ASTN1: variants seen among roughly 807,000 people sequenced by gnomAD.
ASTN1 encodes the protein astrotactin 1.
ASTN1 carries 41 observed loss-of-function variants against 140.7 expected under a neutral mutation model. That is an observed-to-expected ratio of 0.29 (90% CI 0.23 to 0.38). The LOEUF (loss-of-function observed/expected upper bound fraction) is 0.38, where lower values mean the gene tolerates loss of function less well. ASTN1 is among the 10% of genes least tolerant of loss of function. The pLI is 1.00. For synonymous variants in ASTN1, 640 were observed against 652.2 expected (o/e 0.98, Z 0.29); for missense variants, 1,479 against 1,678.8 (o/e 0.88, Z 2.08).
At chr1:177,031,048 A>C in intron 3 of ASTN1, 96 bp from the exon 4 acceptor site, 160 of 1,339,828 alleles carry the variant, frequency 1.2e-4, no homozygotes, top group Non-Finnish European at 1.5e-4. Flanking sequence ...ATAAGGTCTC[A>C]CAGAATTGAA....
At position 176,882,958 on chromosome 1, in the gene ASTN1, C is replaced by G. The variant is rs1668871537; in HGVS notation, c.3263G>C (p.Gly1088Ala). The G allele has an allele frequency of 6.2e-7, 1 of 1,613,906 alleles. No homozygotes were observed. The highest frequency in any genetic ancestry group is 1.7e-5 in the Admixed American group (1 of 59,976). ...TGGCATTGCACAAGGAGACTTTGCT[C>G]CAGAGATGATGTCGTCCACAAAGCT... Reference protein sequence around the residue: ...VLSFVDDIISGAKSPCAMPSQ... With the variant: ...VLSFVDDIISAAKSPCAMPSQ... Residue 1088 changes from glycine (G) to alanine (A), a missense_variant, in exon 20 of 23, where the codon GGA becomes GCA. Around this residue, in one of 3 missense-constraint regions of ASTN1, gnomAD observed 746 missense variants for 800.9 expected, o/e 0.93. Coordinates refer to ENST00000361833, the MANE Select transcript of ASTN1 (RefSeq NM_004319.3).
chr1:176,995,165 A>C (rs1674378916), intron 8 of ASTN1, among the ~76,000 whole-genome samples: 1 of 152,234 alleles, frequency 6.6e-6, no homozygotes, highest in Non-Finnish European at 1.5e-5. Context: ...ACATTTATTC[A>C]GTGCTTAATA....
At chr1:177,041,368 C>T (rs571089325) in intron 2 of ASTN1, among the ~76,000 whole-genome samples, 12 of 152,306 alleles carry the variant, frequency 7.9e-5, no homozygotes, top group East Asian at 3.9e-4. Flanking sequence ...TGCATGCACA[C>T]GCACAAATGT....
Position 177,032,438 on chromosome 1 carries a change from C to T in ASTN1, c.865+18G>A, listed in dbSNP as rs1179685689. ...AGATGAAGGACCAAACAGCCCCTTG[C>T]CTTTCTCCCATCCCCACCTGGTGTG... On this transcript the variant is annotated intron_variant, in intron 3 of 22. Transcript: ENST00000361833. The T allele has an allele frequency of 1.9e-6, 3 of 1,607,570 alleles. No homozygotes were observed. The highest frequency in any genetic ancestry group is 2.2e-5 in the East Asian group (1 of 44,802).
chr1:176,985,235 T>G (rs965874218), intron 8 of ASTN1, among the ~76,000 whole-genome samples: 1 of 152,162 alleles, frequency 6.6e-6, no homozygotes, highest in Non-Finnish European at 1.5e-5. Context: ...CAAGGAATTA[T>G]CAGTGAGGAA....
intron 2 of ASTN1, among the ~76,000 whole-genome samples, chr1:177,042,294 G>A (rs147359411): frequency 0.019 from 2,942 of 152,290 alleles, 44 homozygotes; most frequent in Admixed American, 0.03. Context: ...ACAGGATCCA[G>A]TCAAGTATTC....
At chr1:176,906,127 G>T (rs1197972630) in intron 16 of ASTN1, among the ~76,000 whole-genome samples, 2 of 152,222 alleles carry the variant, frequency 1.3e-5, no homozygotes, top group African/African-American at 4.8e-5. Context: ...AGCTGAGAGT[G>T]ACTCTGGCAG....
intron 16 of ASTN1, among the ~76,000 whole-genome samples, chr1:176,909,998 C>T (rs1670162061): frequency 6.6e-6 from 1 of 152,158 alleles, no homozygotes; most frequent in Non-Finnish European, 1.5e-5. Flanking sequence ...AAACAAACCA[C>T]ACAATGGAAT....
At chr1:176,879,647 T>C (rs1328122390) in intron 20 of ASTN1, among the ~76,000 whole-genome samples, 1 of 152,244 alleles carries the variant, frequency 6.6e-6, no homozygotes, top group Non-Finnish European at 1.5e-5. Flanking sequence ...TATTGGATGC[T>C]GACCTAGGAT....
chr1:177,022,450 G>T (rs188631131), intron 7 of ASTN1, among the ~76,000 whole-genome samples: 1 of 152,318 alleles, frequency 6.6e-6, no homozygotes, highest in Non-Finnish European at 1.5e-5. Context: ...ACTACTGTAG[G>T]TGAATGTCTT....
rs749468572 is a variant in ASTN1, at chr1:177,030,862, G to T, written c.956C>A (p.Thr319Asn). The T allele has an allele frequency of 3.4e-5, 55 of 1,614,174 alleles. No individual in the cohort carries two copies. The highest frequency in any genetic ancestry group is 4.7e-5 in the Non-Finnish European group (55 of 1,180,028). The change falls in exon 4 of 23, where the codon ACC (threonine) becomes AAC (asparagine). Residue 319 changes from threonine (T) to asparagine (N), a missense_variant. Coordinates refer to ENST00000361833, the MANE Select transcript of ASTN1 (RefSeq NM_004319.3). ...SPVDSNHQQA[T>N]LLSHTSSSQR... The stretch of plus-strand genomic sequence containing the variant: ...GCTGCTGGAGGTGTGAGAGAGAAGG[G>T]TGGCTTGCTGGTGGTTGGAGTCCAC...
intron 1 of ASTN1, among the ~76,000 whole-genome samples, chr1:177,109,748 A>G (rs1057061057): frequency 8.5e-5 from 13 of 152,240 alleles, no homozygotes; most frequent in African/African-American, 3.1e-4. Flanking sequence ...CTGTCCAAGT[A>G]TGAGCATGCC....
At chr1:177,035,883 A>G (rs1024014182) in intron 2 of ASTN1, among the ~76,000 whole-genome samples, 5 of 152,174 alleles carry the variant, frequency 3.3e-5, no homozygotes, top group Non-Finnish European at 5.9e-5. Context: ...AGAATATTTT[A>G]TGTTCATTTT....
chr1:176,905,362 A>T (rs1318461054), intron 16 of ASTN1, among the ~76,000 whole-genome samples: 1 of 152,170 alleles, frequency 6.6e-6, no homozygotes, highest in African/African-American at 2.4e-5. Context: ...GCTGGCTCAT[A>T]AATATCTTTA....
intron 9 of ASTN1, among the ~76,000 whole-genome samples, chr1:176,963,021 G>T (rs1672732457): frequency 6.6e-6 from 1 of 152,182 alleles, no homozygotes; most frequent in Non-Finnish European, 1.5e-5. Context: ...AGAAAAATGT[G>T]CATTCTTGCT....
At chr1:176,884,196 A>G in intron 19 of ASTN1, 143 bp downstream of exon 19, 1 of 953,492 alleles carries the variant, frequency 1.0e-6, no homozygotes, top group East Asian at 2.6e-5. Flanking sequence ...GGAGAAGAAG[A>G]ACAGCTTCTT....
At chr1:177,149,255 TAA>T (rs535898464) in intron 1 of ASTN1, among the ~76,000 whole-genome samples, 3 of 97,204 alleles carry the variant, frequency 3.1e-5, no homozygotes, top group African/African-American at 1.4e-4. Flanking sequence ...CTATATATAG[TAA>T]ATATATATAT....
At chr1:177,138,020 G>A (rs1372406036) in intron 1 of ASTN1, among the ~76,000 whole-genome samples, 3 of 152,100 alleles carry the variant, frequency 2.0e-5, no homozygotes, top group African/African-American at 4.8e-5. Context: ...CTAGAGGCTG[G>A]AAGAGGATTA....
In ASTN1 at chr1:176,861,216, T is replaced by C. The variant is rs1667948013; in HGVS notation, c.*3068A>G. 1.0e-6 allele frequency: 1 copy of C among 978,416 alleles called. No individual in the cohort carries two copies. Among genetic ancestry groups the C allele is most frequent in the Non-Finnish European group, 1.2e-6 (1 of 823,188 alleles). 60.6% of individuals were successfully genotyped at this position (978,416 alleles called of 1,614,324 possible). On this transcript the variant is annotated 3_prime_UTR_variant, in exon 23 of 23. Coordinates refer to ENST00000361833, the MANE Select transcript of ASTN1 (RefSeq NM_004319.3). ...TGCAGTAGTAAAGTGTTTTTCTTCA[T>C]ACTCAGTTTTTTTAATAGAACATTT...
Sources: gnomAD v4.1 joint callset for allele counts (sites outside exome capture counted in the v4.1 genomes callset) on GRCh38, gnomAD v4.1.1 for gene constraint, gnomAD v4.1.1 regional missense constraint, MANE v1.5 for transcripts, NCBI Gene and HGNC (gene_info 2026-07-23, HGNC 2026-07-21) for gene names.